The following PSMC4 variants were observed in gnomAD, a reference collection of about 807,000 sequenced individuals.
The protein encoded by PSMC4 is 26S proteasome regulatory subunit 6B.
PSMC4 carries 13 observed loss-of-function variants against 48.4 expected under a neutral mutation model. The ratio of observed to expected loss-of-function variants is 0.27; its 90% CI spans 0.18 to 0.43. The LOEUF (loss-of-function observed/expected upper bound fraction) is 0.43. PSMC4 is among the 20% of genes least tolerant of loss of function. PSMC4 has a pLI of 1.00. For missense variants in PSMC4, 262 were observed against 555.9 expected (o/e 0.47, Z 5.32); for synonymous variants, 202 against 212.3 (o/e 0.95, Z 0.42).
chr19:39,977,235 C>G (rs1167069466), intron 6 of PSMC4, among the ~76,000 whole-genome samples: 1 of 152,076 alleles, frequency 6.6e-6, no homozygotes, highest in Non-Finnish European at 1.5e-5. Context: ...TCCAGTGTGG[C>G]CCTGTGTACC....
intron 2 of PSMC4, 22 bp downstream of exon 2, chr19:39,972,266 G>A (rs1971112961): frequency 1.2e-6 from 2 of 1,612,056 alleles, no homozygotes; most frequent in Non-Finnish European, 1.7e-6. Flanking sequence ...CCCCAACCCA[G>A]ACCTTGCACA....
At chr19:39,971,609 C>T (rs532607186) in intron 1 of PSMC4, among the ~76,000 whole-genome samples, 1 of 152,212 alleles carries the variant, frequency 6.6e-6, no homozygotes, top group African/African-American at 2.4e-5. Context: ...GGCTGCGGGG[C>T]TGACTGATGT....
chr19:39,972,627 C>T (rs1257314099), intron 3 of PSMC4, 72 bp downstream of exon 3: 15 of 1,419,272 alleles, frequency 1.1e-5, no homozygotes, highest in Non-Finnish European at 1.3e-5. Context: ...TAGGCAGCAG[C>T]AAACAAGGCA....
Position 39,981,333 on chromosome 19 carries a change from CAG to C in PSMC4, c.*29_*30del, listed in dbSNP as rs779604032. 4.0e-5 allele frequency: 62 copies of C among 1,549,276 alleles called. No homozygotes were observed. Among genetic ancestry groups the C allele is most frequent in the South Asian group, 3.1e-4 (28 of 89,674 alleles). On this transcript the variant is annotated 3_prime_UTR_variant, in exon 11 of 11. Transcript: ENST00000157812. Reference sequence around the variant, plus strand: ...CTTCCCTTCCCTCCACCACACCACTCAGGGGCTGGGGCTTCTCTCGCACCCCC... The same window carrying C: ...CTTCCCTTCCCTCCACCACACCACTCGGGCTGGGGCTTCTCTCGCACCCCC...
At chr19:39,972,063 G>A in intron 1 of PSMC4, 83 bp from the exon 2 acceptor site, 1 of 1,277,358 alleles carries the variant, frequency 7.8e-7, no homozygotes, top group Non-Finnish European at 1.1e-6. Context: ...GTGAAGTGGG[G>A]AGGGGAACAA....
rs767656273 is a variant in PSMC4 at position 39,974,333 on chromosome 19, G to A, written c.362G>A (p.Arg121Gln). 1.2e-5 allele frequency: 19 copies of A among 1,613,986 alleles called. No homozygotes were observed. The highest frequency in any genetic ancestry group is 1.6e-4 in the Middle Eastern group (1 of 6,084). Residue 121 changes from arginine (R) to glutamine (Q), a missense_variant, in exon 4 of 11, where the codon CGG (arginine) becomes CAG (glutamine). Around this residue, in one of 4 missense-constraint regions of PSMC4, gnomAD observed 131 missense variants for 276.7 expected, o/e 0.47. Transcript: ENST00000157812. This position sits in a 1 kb window ranked among gnomAD's most constrained non-coding sequence, Gnocchi z 5.5. The stretch of plus-strand genomic sequence containing the variant: ...GTGCGCATCCTGAGCACCATCGATC[G>A]GGAGCTGCTCAAGCCCAACGCCTCA... The part of the protein sequence containing the change: ...YYVRILSTID[R>Q]ELLKPNASVA...
rs770068335 is a variant in PSMC4 at position 39,979,944 on chromosome 19, T to A, written c.801T>A (p.Ile267=). ...CTGCCATCATCTTCATAGACGAGAT[T>A]GATGCCATCGCCACCAAGAGATTCG... ...NAPAIIFIDE[I]DAIATKRFDA... Residue 267 remains isoleucine (I), a synonymous_variant, in exon 7 of 11, where the codon ATT becomes ATA. Coordinates refer to ENST00000157812, the MANE Select transcript of PSMC4 (RefSeq NM_006503.4). 2.5e-6 allele frequency: 4 copies of A among 1,613,982 alleles called. No homozygotes were observed. Among genetic ancestry groups the A allele is most frequent in the Non-Finnish European group, 3.4e-6 (4 of 1,180,026 alleles).
chr19:39,977,618 G>A (rs1034426381), intron 6 of PSMC4, among the ~76,000 whole-genome samples: 2 of 151,978 alleles, frequency 1.3e-5, no homozygotes, highest in African/African-American at 2.4e-5. Context: ...TCAGGAGTTC[G>A]AGACCAGCCT....
chr19:39,972,207 A>G lies in PSMC4; in HGVS notation c.98A>G (p.Glu33Gly). 1 of 1,614,064 alleles carries G rather than the reference A, an allele frequency of 6.2e-7. No homozygotes were observed. Among genetic ancestry groups the G allele is most frequent in the Non-Finnish European group, 8.5e-7 (1 of 1,180,000 alleles). The change falls in exon 2 of 11, where the codon GAG becomes GGG. Residue 33 changes from glutamate (E) to glycine (G), a missense_variant. Glu to Gly is a moderately conservative substitution (Grantham distance 98). This residue lies in a region of PSMC4 where 131 missense variants were observed against 276.7 expected (regional missense o/e 0.47). Transcript: ENST00000157812. ...PQTGLSFLGPEPEDLEDLYSR... is the reference protein window; with the variant it reads ...PQTGLSFLGPGPEDLEDLYSR... ...ACCGGCCTGTCCTTCCTGGGCCCTG[A>G]GCCTGAGGACCTGGAGGACCTGTAC...
intron 1 of PSMC4, 110 bp downstream of exon 1, chr19:39,971,348 GTTAT>G: frequency 2.1e-6 from 3 of 1,404,892 alleles, no homozygotes; most frequent in Non-Finnish European, 3.0e-6. Context: ...CCAGGTTGGG[GTTAT>G]TTTAGAGGCC....
intron 3 of PSMC4, among the ~76,000 whole-genome samples, chr19:39,973,581 TA>T (rs11320252): frequency 0.78 from 76,010 of 96,966 alleles, 31,579 homozygotes; most frequent in Non-Finnish European, 0.93. Flanking sequence ...ACACTCTGTC[TA>T]AAAAAAAAAA....
intron 1 of PSMC4, among the ~76,000 whole-genome samples, chr19:39,971,451 T>G (rs1319018966): frequency 6.7e-6 from 1 of 150,224 alleles, no homozygotes; most frequent in East Asian, 2.0e-4. Context: ...GCTGGGGGAG[T>G]GAGTGACGTT....
chr19:39,971,469 C>T (rs1159940307), intron 1 of PSMC4, among the ~76,000 whole-genome samples: 1 of 151,984 alleles, frequency 6.6e-6, no homozygotes, highest in Non-Finnish European at 1.5e-5. Context: ...GTTAGTGGGT[C>T]TTTGAGACGG....
At chr19:39,979,108 AG>A (rs1413992418) in intron 6 of PSMC4, among the ~76,000 whole-genome samples, 13 of 152,234 alleles carry the variant, frequency 8.5e-5, no homozygotes, top group Admixed American at 8.5e-4. Context: ...TATAGCAAAC[AG>A]GAACTCAGAG....
At chr19:39,979,671 A>C (rs1430446094) in intron 6 of PSMC4, 146 bp from the exon 7 acceptor site, 1 of 728,894 alleles carries the variant, frequency 1.4e-6, no homozygotes, top group African/African-American at 1.8e-5. Context: ...TGTGGGGCTC[A>C]CCCTTGGGCA....
Position 39,980,152 on chromosome 19 carries a change from G to A in PSMC4, c.918+6G>A. 1.2e-6 allele frequency: 2 copies of A among 1,614,114 alleles called. No homozygotes were observed. Among genetic ancestry groups the A allele is most frequent in the Non-Finnish European group, 1.7e-6 (2 of 1,180,020 alleles). Reference sequence around the variant, plus strand: ...ATCAGAATGTCAATGTCAAGGTTTGGGGTTTGGGATGGACAAGGGGAGGTG... The same window carrying A: ...ATCAGAATGTCAATGTCAAGGTTTGAGGTTTGGGATGGACAAGGGGAGGTG... On this transcript the variant is annotated splice_donor_region_variant and intron_variant, in intron 8 of 10. Coordinates refer to ENST00000157812, the MANE Select transcript of PSMC4 (RefSeq NM_006503.4). The surrounding 1 kb of genome is among the most constrained non-coding windows in gnomAD (Gnocchi z 4.8).
chr19:39,980,458 T>C lies in PSMC4; in HGVS notation c.1087+4T>C. 1 of 1,613,888 alleles carries C rather than the reference T, an allele frequency of 6.2e-7. No individual in the cohort carries two copies. Among genetic ancestry groups the C allele is most frequent in the Non-Finnish European group, 8.5e-7 (1 of 1,179,916 alleles). Reference sequence around the variant, plus strand: ...GAGGAGGTTGACTTGGAAGACTGTATCCTGCTCCAGAAGTCAGGGAGGGGC... The same window carrying C: ...GAGGAGGTTGACTTGGAAGACTGTACCCTGCTCCAGAAGTCAGGGAGGGGC... On this transcript the variant is annotated splice_donor_region_variant and intron_variant, in intron 9 of 10. Coordinates refer to ENST00000157812, the MANE Select transcript of PSMC4 (RefSeq NM_006503.4). This position sits in a 1 kb window ranked among gnomAD's most constrained non-coding sequence, Gnocchi z 4.8.
chr19:39,980,239 G>T lies in PSMC4; in HGVS notation c.919-47G>T. 1 of 1,613,698 alleles carries T rather than the reference G, an allele frequency of 6.2e-7. No homozygotes were observed. On this transcript the variant is annotated intron_variant, in intron 8 of 10. Coordinates refer to ENST00000157812, the MANE Select transcript of PSMC4 (RefSeq NM_006503.4). The surrounding 1 kb of genome is among the most constrained non-coding windows in gnomAD (Gnocchi z 4.8). ...TAAGGGGTGGTTATCGTGACAGGAA[G>T]GAGGTAGGAGTGCAGAGATCTGAGC...
rs115071220 is a variant in PSMC4 at position 39,975,641 on chromosome 19, T to G, written c.673+813T>G. Among the ~76,000 whole-genome samples the G allele has an allele frequency of 5.0e-3, 766 of 152,186 alleles. 5 individuals are homozygous for G. The highest frequency in any genetic ancestry group is 0.018 in the African/African-American group (731 of 41,526). On this transcript the variant is annotated intron_variant, in intron 6 of 10. Transcript: ENST00000157812. Reference sequence around the variant, plus strand: ...TTATGTGATCCTGGGTAAATTAACCTCTCTGTGACTCAGTTTCCTCACCTG... The same window carrying G: ...TTATGTGATCCTGGGTAAATTAACCGCTCTGTGACTCAGTTTCCTCACCTG...
Sources: gnomAD v4.1 joint callset for allele counts (sites outside exome capture counted in the v4.1 genomes callset) on GRCh38, gnomAD v4.1.1 for gene constraint, gnomAD v4.1.1 regional missense constraint, Gnocchi (gnomAD v3.1) non-coding constraint, MANE v1.5 for transcripts, NCBI Gene and HGNC (gene_info 2026-07-23, HGNC 2026-07-21) for gene names.